The following KLRG1 variants were observed in gnomAD, a reference collection of about 807,000 sequenced individuals.
The protein encoded by KLRG1 is killer cell lectin-like receptor subfamily G member 1.
A neutral mutation model predicts 21.8 loss-of-function variants in KLRG1; 16 were observed. That is an observed-to-expected ratio of 0.73 (90% confidence interval 0.50 to 1.11). The LOEUF (loss-of-function observed/expected upper bound fraction) is 1.11, where lower values mean the gene tolerates loss of function less well. KLRG1 is among the 50% of genes most tolerant of loss of function. KLRG1 has a pLI of 0.00. For synonymous variants in KLRG1, 69 were observed against 75.9 expected (o/e 0.91, Z 0.47); for missense variants, 173 against 218.3 (o/e 0.79, Z 1.31).
intron 3 of KLRG1, chr12:8,996,352 A>C (rs1353456902): frequency 6.6e-6 from 1 of 152,212 alleles, no homozygotes; most frequent in Non-Finnish European, 1.5e-5. Flanking sequence ...AATAACATCT[A>C]TAAGGAAAAC....
chr12:9,093,573 T>A, the KLRG1 span: 1 of 1,586,786 alleles, frequency 6.3e-7, no homozygotes, highest in Non-Finnish European at 8.6e-7. Flanking sequence ...TCCCATTACA[T>A]CTGACTCTAT....
intron 1 of KLRG1, 117 bp downstream of exon 1, chr12:8,989,834 A>G: frequency 1.5e-6 from 1 of 652,468 alleles, no homozygotes; most frequent in Non-Finnish European, 2.7e-6. Flanking sequence ...AATTTGAGGA[A>G]ATACTTTTGG....
chr12:9,163,846 A>C, the KLRG1 span: 11 of 1,562,526 alleles, frequency 7.0e-6, no homozygotes, highest in Non-Finnish European at 9.5e-6. Flanking sequence ...AATCACCTTT[A>C]AGGGCTGCAC....
the KLRG1 span, chr12:9,089,979 C>G: frequency 6.2e-7 from 1 of 1,609,410 alleles, no homozygotes; most frequent in Non-Finnish European, 8.5e-7. Context: ...CCACACAGCT[C>G]TTGAGACTCT....
chr12:9,006,016 C>T (rs1565553393), intron 3 of KLRG1, among the ~76,000 whole-genome samples: 1 of 152,188 alleles, frequency 6.6e-6, no homozygotes, highest in East Asian at 1.9e-4. Flanking sequence ...GACCCTTGTT[C>T]TATAGCACTG....
At chr12:9,046,178 G>A in the KLRG1 span, among the ~76,000 whole-genome samples, 3 of 152,162 alleles carry the variant, frequency 2.0e-5, no homozygotes, top group Non-Finnish European at 4.4e-5. Context: ...GAATCAGTGA[G>A]CTTGAAACTG....
the KLRG1 span, among the ~76,000 whole-genome samples, chr12:9,057,361 G>C: frequency 1.5e-4 from 23 of 152,128 alleles, no homozygotes; most frequent in African/African-American, 5.3e-4. Context: ...GACTCAGAAG[G>C]GTGGGAGGGT....
chr12:9,189,264 G>C, the KLRG1 span, among the ~76,000 whole-genome samples: 1 of 152,294 alleles, frequency 6.6e-6, no homozygotes, highest in Non-Finnish European at 1.5e-5. Flanking sequence ...CAGGGCTACA[G>C]TTACCAAAAC....
the KLRG1 span, among the ~76,000 whole-genome samples, chr12:9,114,970 T>C: frequency 6.6e-6 from 1 of 152,206 alleles, no homozygotes; most frequent in East Asian, 1.9e-4. Context: ...GAGCTGTTTT[T>C]TCCCCCAGTG....
chr12:9,102,491 C>T, the KLRG1 span, among the ~76,000 whole-genome samples: 9 of 152,210 alleles, frequency 5.9e-5, no homozygotes, highest in African/African-American at 1.9e-4. Context: ...GCTGGGATTA[C>T]AGGCGTGAGC....
At chr12:8,958,104 C>T (rs1184622215) in intron 1 of KLRG1, among the ~76,000 whole-genome samples, 1 of 151,986 alleles carries the variant, frequency 6.6e-6, no homozygotes, top group Non-Finnish European at 1.5e-5. Flanking sequence ...TGCTATAGTA[C>T]CCAGGCTGGT....
the KLRG1 span, among the ~76,000 whole-genome samples, chr12:9,174,184 A>G: frequency 9.2e-5 from 14 of 152,350 alleles, no homozygotes; most frequent in South Asian, 2.9e-3. Flanking sequence ...TACACAAATC[A>G]ATAAGTGCGA....
chr12:9,196,408 T>C, the KLRG1 span: 1 of 1,613,718 alleles, frequency 6.2e-7, no homozygotes, highest in Non-Finnish European at 8.5e-7. Context: ...TGTTTGTGAT[T>C]TCACTGATCC....
At chr12:9,016,286 G>A in the KLRG1 span, among the ~76,000 whole-genome samples, 1 of 151,714 alleles carries the variant, frequency 6.6e-6, no homozygotes, top group East Asian at 1.9e-4. Context: ...AAAGAGAGAC[G>A]ATCCAAATGA....
At chr12:9,169,811 A>G in the KLRG1 span, 2 of 401,868 alleles carry the variant, frequency 5.0e-6, no homozygotes, top group African/African-American at 4.1e-5. Context: ...GATTAACAAA[A>G]TCTTAAGTTA....
the KLRG1 span, chr12:9,068,303 G>A: frequency 3.5e-6 from 5 of 1,440,146 alleles, no homozygotes; most frequent in Non-Finnish European, 4.7e-6. Flanking sequence ...TGGGATACAG[G>A]CCAAGGAAGG....
At chr12:9,118,262 C>A in the KLRG1 span, among the ~76,000 whole-genome samples, 1 of 152,034 alleles carries the variant, frequency 6.6e-6, no homozygotes, top group Admixed American at 6.5e-5. Context: ...GCCTAGTTGA[C>A]TTCTATGTTT....
the KLRG1 span, among the ~76,000 whole-genome samples, chr12:9,212,519 T>C: frequency 1.3e-5 from 2 of 152,220 alleles, no homozygotes; most frequent in African/African-American, 2.4e-5. Context: ...CTAATATGTA[T>C]AGTTGAGGCC....
the KLRG1 span, among the ~76,000 whole-genome samples, chr12:9,138,318 A>G: frequency 6.6e-6 from 1 of 151,878 alleles, no homozygotes; most frequent in Non-Finnish European, 1.5e-5. Flanking sequence ...GTACAAATTT[A>G]TACATACTGA....
Sources: gnomAD v4.1 joint callset for allele counts (sites outside exome capture counted in the v4.1 genomes callset) on GRCh38, gnomAD v4.1.1 for gene constraint, MANE v1.5 for transcripts, NCBI Gene and HGNC (gene_info 2026-07-23, HGNC 2026-07-21) for gene names.